SNAP29: variants seen among roughly 807,000 people sequenced by gnomAD.
SNAP29 encodes the protein synaptosome associated protein 29.
In SNAP29, 13 loss-of-function variants were observed where a neutral mutation model predicts 27.9. That is an observed-to-expected ratio of 0.47 (90% CI 0.30 to 0.74). The LOEUF (loss-of-function observed/expected upper bound fraction) is 0.74. Among genes scored for constraint, SNAP29 ranks in the 30% least tolerant of loss-of-function variants. SNAP29 has a pLI of 0.06. For missense variants in SNAP29, 368 were observed against 336.5 expected, an observed-to-expected ratio of 1.09 and a Z score of -0.73; for synonymous variants, 119 against 127.1, an observed-to-expected ratio of 0.94 and a Z score of 0.43.
In SNAP29 at chr22:20,875,079, T is replaced by A. The variant is rs192188507; in HGVS notation, c.434+4546T>A. 2.2e-3 allele frequency among the ~76,000 whole-genome samples: 333 copies of A among 152,234 alleles called. 2 individuals carry two copies. Among genetic ancestry groups the A allele is most frequent in the African/African-American group, 8.0e-3 (331 of 41,540 alleles). On this transcript the variant is annotated intron_variant, in intron 2 of 4. Transcript: ENST00000215730. ...AACATAGCTATGAAAGCCATGGAAGTCCTGTGGCTCCAGGGGCAGTTTTCT... is the reference window on the plus strand; with the variant it reads ...AACATAGCTATGAAAGCCATGGAAGACCTGTGGCTCCAGGGGCAGTTTTCT...
intron 2 of SNAP29, among the ~76,000 whole-genome samples, chr22:20,871,350 G>A (rs1928586625): frequency 1.3e-5 from 2 of 151,158 alleles, no homozygotes; most frequent in Non-Finnish European, 2.9e-5. Flanking sequence ...AGACATGATG[G>A]CACGTGCCTA....
chr22:20,872,539 T>C (rs1302476770), intron 2 of SNAP29, among the ~76,000 whole-genome samples: 1 of 152,160 alleles, frequency 6.6e-6, no homozygotes, highest in East Asian at 1.9e-4. Context: ...TAGCTGGGAC[T>C]ACAGGCGCCT....
At chr22:20,879,129 A>C (rs966817353) in intron 2 of SNAP29, among the ~76,000 whole-genome samples, 5 of 151,812 alleles carry the variant, frequency 3.3e-5, no homozygotes, top group African/African-American at 4.8e-5. Context: ...AACACGGTGA[A>C]ACCCCGTCTC....
intron 2 of SNAP29, among the ~76,000 whole-genome samples, chr22:20,878,920 C>T (rs1928815056): frequency 6.6e-6 from 1 of 152,186 alleles, no homozygotes; most frequent in Non-Finnish European, 1.5e-5. Flanking sequence ...AGTCAGCAAA[C>T]TAGGCCACGG....
chr22:20,886,757 A>G (rs977353697), intron 4 of SNAP29, among the ~76,000 whole-genome samples: 1 of 151,878 alleles, frequency 6.6e-6, no homozygotes, highest in Non-Finnish European at 1.5e-5. Flanking sequence ...GAATACAGGC[A>G]TGCACCACCA....
chr22:20,859,209 CG>C lies in SNAP29; in HGVS notation c.102del (p.Asp36ThrfsTer67). Reference protein sequence around the residue: ...PWRDARDLPDGPDAPADRQQY... With the variant: ...PWRDARDLPDXPDAPADRQQY... ...GGAGGGACGCCCGAGACCTCCCCGA[CG>C]GGCCCGACGCGCCCGCGGACAGGCA... is the stretch of plus-strand genomic sequence containing the variant. On this transcript the variant is annotated frameshift_variant, in exon 1 of 5. Transcript: ENST00000215730. LOFTEE classifies it high-confidence loss of function. 1 of 1,602,944 alleles carries C rather than the reference CG, an allele frequency of 6.2e-7. No homozygotes were observed.
chr22:20,863,221 T>C (rs1446660585), intron 1 of SNAP29, among the ~76,000 whole-genome samples: 1 of 152,154 alleles, frequency 6.6e-6, no homozygotes, highest in East Asian at 1.9e-4. Context: ...GGTGTTGGGA[T>C]GGGAACAGAG....
At chr22:20,863,452 C>T (rs1310408662) in intron 1 of SNAP29, among the ~76,000 whole-genome samples, 1 of 152,182 alleles carries the variant, frequency 6.6e-6, no homozygotes, top group African/African-American at 2.4e-5. Flanking sequence ...GTTAAGTCAC[C>T]TCTAGCAAAG....
At position 20,887,625 on chromosome 22, in the gene SNAP29, T is replaced by G. The variant is rs1284098369; in HGVS notation, c.620-54T>G. ...CTTACCCACACCATCAAGAAGCATTTGCAGGTGCCGTGACTGTTTGCTCAT... is the reference window on the plus strand; with the variant it reads ...CTTACCCACACCATCAAGAAGCATTGGCAGGTGCCGTGACTGTTTGCTCAT... On this transcript the variant is annotated intron_variant, in intron 4 of 4. Coordinates refer to ENST00000215730, the MANE Select transcript of SNAP29 (RefSeq NM_004782.4). The G allele has an allele frequency of 1.9e-6, 3 of 1,602,668 alleles. No homozygotes were observed. The African/African-American group carries it at 4.0e-5, about 21-fold the overall frequency.
chr22:20,878,421 A>G (rs1298610854), intron 2 of SNAP29, among the ~76,000 whole-genome samples: 1 of 152,120 alleles, frequency 6.6e-6, no homozygotes, highest in Non-Finnish European at 1.5e-5. Flanking sequence ...TACTAAAAAT[A>G]CAAAAAATTA....
chr22:20,873,431 G>T (rs1307429559), intron 2 of SNAP29, among the ~76,000 whole-genome samples: 1 of 152,102 alleles, frequency 6.6e-6, no homozygotes, highest in Non-Finnish European at 1.5e-5. Context: ...CAAGATGTAG[G>T]GTGTGGCAGG....
At chr22:20,871,538 T>C (rs1351662018) in intron 2 of SNAP29, among the ~76,000 whole-genome samples, 1 of 79,764 alleles carries the variant, frequency 1.3e-5, no homozygotes, top group Non-Finnish European at 2.8e-5. Flanking sequence ...ATCAAAAAAA[T>C]AAAGTTAGAA....
chr22:20,874,170 G>A (rs1284099563), intron 2 of SNAP29, among the ~76,000 whole-genome samples: 1 of 147,810 alleles, frequency 6.8e-6, no homozygotes, highest in Non-Finnish European at 1.5e-5. Flanking sequence ...AGCTACTCGG[G>A]AGGGTGAGAA....
At chr22:20,880,590 A>C (rs145536971) in intron 2 of SNAP29, among the ~76,000 whole-genome samples, 59 of 152,010 alleles carry the variant, frequency 3.9e-4, no homozygotes, top group African/African-American at 1.3e-3. Flanking sequence ...TGCTGACTGT[A>C]GTCTAAAGTA....
At chr22:20,881,930 G>A (rs1435936942) in intron 3 of SNAP29, among the ~76,000 whole-genome samples, 1 of 152,124 alleles carries the variant, frequency 6.6e-6, no homozygotes, top group Non-Finnish European at 1.5e-5. Context: ...AGCAAGATGG[G>A]GAGATTATCC....
intron 1 of SNAP29, among the ~76,000 whole-genome samples, chr22:20,864,818 G>C: frequency 6.6e-6 from 1 of 152,200 alleles, no homozygotes; most frequent in East Asian, 1.9e-4. Flanking sequence ...AAAGGAAGGA[G>C]GGAGGGAACA....
chr22:20,883,658 C>T, intron 4 of SNAP29, 89 bp downstream of exon 4: 1 of 825,754 alleles, frequency 1.2e-6, no homozygotes. Flanking sequence ...CATCCTCCAG[C>T]TTCAGTTCCC....
At chr22:20,883,661 C>T in intron 4 of SNAP29, 92 bp downstream of exon 4, 2 of 817,774 alleles carry the variant, frequency 2.4e-6, no homozygotes, top group Non-Finnish European at 4.3e-6. Flanking sequence ...CCTCCAGCTT[C>T]AGTTCCCTCA....
chr22:20,883,584 C>T lies in SNAP29; in HGVS notation c.619+15C>T. ...CAGCAACCTAGGTAAGACTGAGCACCACACCAGCTTCTGTAAGCCACTGTC... is the reference window on the plus strand; with the variant it reads ...CAGCAACCTAGGTAAGACTGAGCACTACACCAGCTTCTGTAAGCCACTGTC... On this transcript the variant is annotated intron_variant, in intron 4 of 4. Coordinates refer to ENST00000215730, the MANE Select transcript of SNAP29 (RefSeq NM_004782.4). The T allele has an allele frequency of 6.5e-7, 1 of 1,540,870 alleles. No homozygotes were observed. The highest frequency in any genetic ancestry group is 9.0e-7 in the Non-Finnish European group (1 of 1,113,680).
Sources: allele counts gnomAD v4.1 joint callset (sites outside exome capture counted in the v4.1 genomes callset), GRCh38; gene constraint gnomAD v4.1.1; transcripts MANE v1.5; gene names NCBI Gene and HGNC (gene_info 2026-07-23, HGNC 2026-07-21).